GPHN: variants seen among roughly 807,000 people sequenced by gnomAD.
The protein encoded by GPHN is gephyrin.
A neutral mutation model predicts 95.5 loss-of-function variants in GPHN; 17 were observed. The observed-to-expected ratio is 0.18, with a 90% CI of 0.12 to 0.27. The LOEUF is 0.27. Ranked by LOEUF, GPHN falls within the 10% of genes least tolerant of loss-of-function variation. The pLI, the probability that GPHN is intolerant of heterozygous loss-of-function variation, is 1.00. For synonymous variants in GPHN, 320 were observed against 322.5 expected (o/e 0.99, Z 0.08); for missense variants, 660 against 978.1 (o/e 0.67, Z 4.34).
the GPHN span, among the ~76,000 whole-genome samples, chr14:67,481,695 C>T: frequency 2.6e-5 from 4 of 152,296 alleles, no homozygotes; most frequent in South Asian, 2.1e-4. Flanking sequence ...AGGACAGGCT[C>T]GCCCACCCCA....
intron 5 of GPHN, among the ~76,000 whole-genome samples, chr14:66,886,883 G>C (rs2064224108): frequency 6.6e-6 from 1 of 152,136 alleles, no homozygotes; most frequent in African/African-American, 2.4e-5. Context: ...AACTGTAATT[G>C]ACAAATTGCT....
the GPHN span, chr14:67,588,055 T>G: frequency 6.6e-6 from 1 of 152,642 alleles, no homozygotes; most frequent in African/African-American, 2.4e-5. Context: ...ATTATTGGTA[T>G]GTAGGCATTG....
the GPHN span, chr14:67,311,918 G>A: frequency 6.6e-6 from 1 of 152,628 alleles, no homozygotes; most frequent in African/African-American, 2.4e-5. Context: ...CGCCAAGAGA[G>A]TTTAAGGCAT....
At chr14:67,023,767 G>T in intron 10 of GPHN, 92 bp downstream of exon 10, 1 of 1,025,874 alleles carries the variant, frequency 9.7e-7, no homozygotes. Context: ...AAAAGCAATG[G>T]GGAATATTTA....
chr14:67,427,925 C>CCT, the GPHN span, among the ~76,000 whole-genome samples: 8 of 142,320 alleles, frequency 5.6e-5, no homozygotes, highest in African/African-American at 1.6e-4. Context: ...CGACAATGCC[C>CCT]TTTTTTTTTT....
At chr14:67,653,586 G>A in the GPHN span, 1 of 1,176,174 alleles carries the variant, frequency 8.5e-7, no homozygotes, top group African/African-American at 1.5e-5. Context: ...AGGCATTAAG[G>A]GATATATGTT....
the GPHN span, among the ~76,000 whole-genome samples, chr14:67,269,363 T>C: frequency 1.2e-4 from 19 of 152,002 alleles, no homozygotes; most frequent in Admixed American, 1.2e-3. Flanking sequence ...AGATGTATGA[T>C]TTTATTTCTC....
intron 10 of GPHN, among the ~76,000 whole-genome samples, chr14:67,040,303 A>G (rs1264587097): frequency 6.6e-6 from 1 of 152,168 alleles, no homozygotes; most frequent in Non-Finnish European, 1.5e-5. Flanking sequence ...ATAAATTAAT[A>G]TACATATTAT....
chr14:67,662,358 G>T, the GPHN span: 1 of 952,360 alleles, frequency 1.1e-6, no homozygotes, highest in Non-Finnish European at 1.6e-6. Flanking sequence ...CATTTAGTAA[G>T]AAATAGTCAA....
At chr14:66,600,013 T>C (rs145825623) in intron 1 of GPHN, among the ~76,000 whole-genome samples, 17 of 152,234 alleles carry the variant, frequency 1.1e-4, no homozygotes, top group African/African-American at 3.6e-4. Context: ...ATGGATTTTA[T>C]TAATGCATTT....
intron 1 of GPHN, among the ~76,000 whole-genome samples, chr14:66,653,136 C>T (rs6573694): frequency 0.31 from 47,723 of 151,906 alleles, 11,514 homozygotes; most frequent in African/African-American, 0.65. Context: ...GCAGTGTTCC[C>T]AGCATCCTCC....
chr14:66,834,500 G>C (rs138817047), intron 4 of GPHN, among the ~76,000 whole-genome samples: 9 of 152,074 alleles, frequency 5.9e-5, no homozygotes, highest in East Asian at 3.9e-4. Flanking sequence ...TTTTCTGCAT[G>C]TATTGAGATA....
intron 3 of GPHN, among the ~76,000 whole-genome samples, chr14:66,815,860 G>T (rs2060942906): frequency 6.6e-6 from 1 of 152,060 alleles, no homozygotes; most frequent in Non-Finnish European, 1.5e-5. Flanking sequence ...AACACAGAGT[G>T]GCAAGCTGGA....
At chr14:67,123,980 C>G (rs1189721126) in intron 17 of GPHN, among the ~76,000 whole-genome samples, 10 of 152,142 alleles carry the variant, frequency 6.6e-5, no homozygotes, top group Non-Finnish European at 8.8e-5. Flanking sequence ...TGTCATCTAA[C>G]CTTTTGAAGT....
chr14:66,927,709 G>A (rs1375920847), intron 8 of GPHN, among the ~76,000 whole-genome samples: 2 of 151,872 alleles, frequency 1.3e-5, no homozygotes, highest in Admixed American at 1.3e-4. Flanking sequence ...GTTGAGGAAC[G>A]TTCCTTCTAT....
intron 3 of GPHN, among the ~76,000 whole-genome samples, chr14:66,803,946 T>G (rs559224672): frequency 3.8e-4 from 58 of 152,286 alleles, no homozygotes; most frequent in Non-Finnish European, 7.5e-4. Flanking sequence ...CTTGAACATA[T>G]TAATCATAGT....
At chr14:66,783,755 C>A (rs182748362) in intron 3 of GPHN, among the ~76,000 whole-genome samples, 1 of 152,274 alleles carries the variant, frequency 6.6e-6, no homozygotes, top group Non-Finnish European at 1.5e-5. Context: ...AAGGTCTCAG[C>A]AGAGCCAAGA....
the GPHN span, among the ~76,000 whole-genome samples, chr14:67,633,757 T>C: frequency 2.0e-5 from 3 of 152,250 alleles, no homozygotes; most frequent in African/African-American, 7.2e-5. Flanking sequence ...TGCAGTCCTC[T>C]AGGTGCACTC....
intron 1 of GPHN, among the ~76,000 whole-genome samples, chr14:66,554,391 G>A (rs1473929623): frequency 1.3e-5 from 2 of 152,088 alleles, no homozygotes; most frequent in East Asian, 1.9e-4. Flanking sequence ...CCTGAGACTC[G>A]GTAATTTATA....
Sources: gnomAD v4.1 joint callset for allele counts (sites outside exome capture counted in the v4.1 genomes callset) on GRCh38, gnomAD v4.1.1 for gene constraint, MANE v1.5 for transcripts, NCBI Gene and HGNC (gene_info 2026-07-23, HGNC 2026-07-21) for gene names.